LYPLA1: variants seen among roughly 807,000 people sequenced by gnomAD.
LYPLA1 encodes acyl-protein thioesterase 1.
LYPLA1 carries 17 observed loss-of-function variants against 34.0 expected under a neutral mutation model. The observed-to-expected ratio is 0.50, with a 90% CI of 0.34 to 0.75. The LOEUF (loss-of-function observed/expected upper bound fraction) is 0.75. Among genes scored for constraint, LYPLA1 ranks in the 30% least tolerant of loss-of-function variants. LYPLA1 has a pLI of 0.01. For missense variants in LYPLA1, 203 were observed against 288.8 expected (o/e 0.70, Z 2.15); for synonymous variants, 98 against 100.8 (o/e 0.97, Z 0.17).
intron 2 of LYPLA1, among the ~76,000 whole-genome samples, chr8:54,083,308 T>C (rs773711175): frequency 6.6e-6 from 1 of 152,144 alleles, no homozygotes; most frequent in Non-Finnish European, 1.5e-5. Flanking sequence ...TGATGAATAT[T>C]ATCATCTTAG....
intron 2 of LYPLA1, among the ~76,000 whole-genome samples, chr8:54,088,867 A>G (rs1377695506): frequency 1.3e-5 from 2 of 152,228 alleles, no homozygotes; most frequent in Non-Finnish European, 2.9e-5. Flanking sequence ...GCATGACACC[A>G]TGCTCAGCTA....
intron 2 of LYPLA1, among the ~76,000 whole-genome samples, chr8:54,078,552 T>C (rs1808070144): frequency 6.6e-6 from 1 of 152,344 alleles, no homozygotes; most frequent in Middle Eastern, 3.4e-3. Flanking sequence ...CTGCCAGATG[T>C]AACCCCATTG....
chr8:54,091,278 AG>A (rs1809227515), intron 2 of LYPLA1, among the ~76,000 whole-genome samples: 1 of 152,018 alleles, frequency 6.6e-6, no homozygotes, highest in African/African-American at 2.4e-5. Context: ...ACCTGAGGTC[AG>A]GAGTTCAAGA....
chr8:54,063,401 A>G, intron 3 of LYPLA1, 26 bp from the exon 4 acceptor site: 1 of 1,442,224 alleles, frequency 6.9e-7, no homozygotes, highest in East Asian at 2.5e-5. Context: ...AAAACAACAA[A>G]ATCAGAATAA....
intron 2 of LYPLA1, among the ~76,000 whole-genome samples, chr8:54,091,274 G>A (rs1339938816): frequency 6.6e-6 from 1 of 151,988 alleles, no homozygotes; most frequent in African/African-American, 2.4e-5. Context: ...GATCACCTGA[G>A]GTCAGGAGTT....
chr8:54,101,758 A>G lies in LYPLA1; in HGVS notation c.66T>C (p.Ala22=). Residue 22 remains alanine, a synonymous_variant, in exon 1 of 9, where the codon GCT becomes GCC. Transcript: ENST00000316963. ...AIVPAARKAT[A]AVIFLHGLGD... is the part of the protein sequence containing the mutation. ...AGCCCACGCCTACGCCACTCACCGC[A>G]GCGGTGGCCTTCCGGGCGGCGGGCA... 2 of 1,303,036 alleles carry G rather than the reference A, an allele frequency of 1.5e-6. No homozygotes were observed. Among genetic ancestry groups the G allele is most frequent in the Non-Finnish European group, 2.0e-6 (2 of 1,017,538 alleles). The allele number at this position is 1,303,036 out of a possible 1,614,324, so 80.7% of individuals were successfully genotyped here.
intron 1 of LYPLA1, 39 bp downstream of exon 1, chr8:54,101,715 GC>G: frequency 7.9e-7 from 1 of 1,272,132 alleles, no homozygotes; most frequent in South Asian, 2.6e-5. Context: ...CCGGTGGCCG[GC>G]CCAGTGGACC....
intron 5 of LYPLA1, among the ~76,000 whole-genome samples, chr8:54,058,610 G>C (rs1222378975): frequency 2.6e-5 from 4 of 151,218 alleles, no homozygotes; most frequent in Non-Finnish European, 5.9e-5. Flanking sequence ...CTGTGTCTCT[G>C]TCTCTGTCTC....
chr8:54,054,530 A>G (rs1326497794), intron 6 of LYPLA1: 4 of 152,306 alleles, frequency 2.6e-5, no homozygotes, highest in African/African-American at 4.8e-5. Flanking sequence ...TTTACAGATG[A>G]TAAGTTAGAG....
At chr8:54,055,884 G>A (rs1187959693) in intron 5 of LYPLA1, among the ~76,000 whole-genome samples, 3 of 151,902 alleles carry the variant, frequency 2.0e-5, no homozygotes, top group Non-Finnish European at 1.5e-5. Context: ...CTCGAGATCC[G>A]CCCGCCTCGG....
intron 2 of LYPLA1, among the ~76,000 whole-genome samples, chr8:54,069,006 TGATGA>T (rs1258324992): frequency 3.3e-5 from 5 of 152,078 alleles, no homozygotes; most frequent in South Asian, 2.1e-4. Flanking sequence ...GCAAAAGACT[TGATGA>T]GATGTTTGTC....
chr8:54,093,999 T>C (rs1809495357), intron 2 of LYPLA1, among the ~76,000 whole-genome samples: 1 of 152,228 alleles, frequency 6.6e-6, no homozygotes, highest in African/African-American at 2.4e-5. Context: ...CTATTATTAA[T>C]AGTTCTTGAT....
intron 2 of LYPLA1, among the ~76,000 whole-genome samples, chr8:54,088,810 G>C (rs1333217482): frequency 6.6e-6 from 1 of 152,186 alleles, no homozygotes; most frequent in Non-Finnish European, 1.5e-5. Flanking sequence ...CTCCTGGCCT[G>C]AAAGGATCCT....
intron 2 of LYPLA1, among the ~76,000 whole-genome samples, chr8:54,086,641 T>C (rs924602184): frequency 1.7e-4 from 26 of 150,394 alleles, no homozygotes; most frequent in Non-Finnish European, 2.4e-4. Flanking sequence ...AGTGGGGGGA[T>C]TGCTTGAGCC....
At chr8:54,061,457 C>T (rs541659861) in intron 5 of LYPLA1, among the ~76,000 whole-genome samples, 1 of 152,276 alleles carries the variant, frequency 6.6e-6, no homozygotes, top group African/African-American at 2.4e-5. Flanking sequence ...ATACGTCTGA[C>T]AGAGTTTAAA....
At chr8:54,100,862 A>C (rs981753059) in intron 2 of LYPLA1, 46 bp downstream of exon 2, 1 of 1,516,514 alleles carries the variant, frequency 6.6e-7, no homozygotes, top group Non-Finnish European at 9.1e-7. Flanking sequence ...CAAAAGTTGC[A>C]TGACCCAGTT....
At chr8:54,069,826 A>G (rs1388050612) in intron 2 of LYPLA1, among the ~76,000 whole-genome samples, 1 of 152,252 alleles carries the variant, frequency 6.6e-6, no homozygotes, top group Non-Finnish European at 1.5e-5. Flanking sequence ...TCTCAATAAA[A>G]AAATAGGCAA....
At chr8:54,097,761 C>A (rs1220953375) in intron 2 of LYPLA1, among the ~76,000 whole-genome samples, 1 of 152,120 alleles carries the variant, frequency 6.6e-6, no homozygotes, top group Non-Finnish European at 1.5e-5. Flanking sequence ...TAACACCAAA[C>A]CCTATATATA....
intron 2 of LYPLA1, among the ~76,000 whole-genome samples, chr8:54,079,815 A>G (rs1808180838): frequency 1.3e-5 from 2 of 151,842 alleles, no homozygotes; most frequent in African/African-American, 4.8e-5. Context: ...AAATAAATAA[A>G]TAAATAAATA....
Sources: gnomAD v4.1 joint callset for allele counts (sites outside exome capture counted in the v4.1 genomes callset) on GRCh38, gnomAD v4.1.1 for gene constraint, MANE v1.5 for transcripts, NCBI Gene and HGNC (gene_info 2026-07-23, HGNC 2026-07-21) for gene names.